Variants in GDAP1 observed in about 807,000 individuals in gnomAD.
GDAP1 encodes ganglioside induced differentiation associated protein 1, also known as ganglioside-induced differentiation-associated protein 1.
In GDAP1, 34 loss-of-function variants were observed where a neutral mutation model predicts 40.1. The ratio of observed to expected loss-of-function variants is 0.85; its 90% confidence interval spans 0.64 to 1.13. The LOEUF (loss-of-function observed/expected upper bound fraction) is 1.13, where lower values mean the gene tolerates loss of function less well. Ranked by LOEUF, GDAP1 falls within the 50% of genes most tolerant of loss-of-function variation. The probability of loss-of-function intolerance (pLI) is 0.00; values close to 1 mark genes in which losing one functional copy is unlikely to be tolerated. For missense variants in GDAP1, 374 were observed against 433.7 expected (o/e 0.86, Z 1.22); for synonymous variants, 170 against 157.4 (o/e 1.08, Z -0.60).
chr8:74,476,942 T>C (rs1258674791), intron 2 of GDAP1, among the ~76,000 whole-genome samples: 1 of 152,244 alleles, frequency 6.6e-6, no homozygotes, highest in African/African-American at 2.4e-5. Context: ...ATTTGGTCTC[T>C]TTACATAATC....
At chr8:74,438,152 C>T (rs2131569638) in intron 2 of GDAP1, among the ~76,000 whole-genome samples, 1 of 152,266 alleles carries the variant, frequency 6.6e-6, no homozygotes, top group South Asian at 2.1e-4. Context: ...CGCCTGTAGT[C>T]TCAGCTGCTC....
chr8:74,381,222 CTATTT>C (rs772038565), intron 2 of GDAP1, among the ~76,000 whole-genome samples: 383 of 152,088 alleles, frequency 2.5e-3, no homozygotes, highest in Non-Finnish European at 3.9e-3. Context: ...AGTTTTAAGA[CTATTT>C]TATTAAAGTA....
chr8:74,366,949 T>C (rs1161517071), downstream of GDAP1: 1 of 354,122 alleles, frequency 2.8e-6, no homozygotes, highest in Admixed American at 4.0e-5. Context: ...CATGTGGTAG[T>C]TAAAAGGGTA....
At chr8:74,477,169 G>A (rs1304132546) in intron 2 of GDAP1, among the ~76,000 whole-genome samples, 16 of 152,126 alleles carry the variant, frequency 1.1e-4, no homozygotes, top group Non-Finnish European at 2.4e-4. Context: ...TGGCTATTTT[G>A]TCTGTCAGCT....
At chr8:74,422,801 T>C (rs1023806339) in intron 2 of GDAP1, among the ~76,000 whole-genome samples, 4 of 151,746 alleles carry the variant, frequency 2.6e-5, no homozygotes, top group African/African-American at 9.7e-5. Flanking sequence ...AAAGTTTACT[T>C]TTTATTTCCC....
intron 2 of GDAP1, among the ~76,000 whole-genome samples, chr8:74,480,407 G>A (rs1337419865): frequency 6.6e-6 from 1 of 152,204 alleles, no homozygotes; most frequent in East Asian, 1.9e-4. Context: ...TTACTTCCAG[G>A]ATGACTATTC....
At chr8:74,378,160 A>G (rs887048306) in intron 2 of GDAP1, among the ~76,000 whole-genome samples, 19 of 152,350 alleles carry the variant, frequency 1.2e-4, no homozygotes, top group African/African-American at 4.6e-4. Flanking sequence ...ATTATGTGAA[A>G]GAAAAACTGT....
intron 2 of GDAP1, among the ~76,000 whole-genome samples, chr8:74,475,409 T>C (rs191600800): frequency 2.2e-4 from 34 of 152,302 alleles, no homozygotes; most frequent in African/African-American, 7.9e-4. Context: ...AACTTTTTGA[T>C]ATAGGCATTT....
chr8:74,483,592 G>T (rs79507284), intron 2 of GDAP1, among the ~76,000 whole-genome samples: 2 of 152,126 alleles, frequency 1.3e-5, no homozygotes, highest in Non-Finnish European at 2.9e-5. Flanking sequence ...TACATTTAAA[G>T]CAGTGTCTTT....
chr8:74,452,313 C>G (rs1250634323), intron 2 of GDAP1, among the ~76,000 whole-genome samples: 1 of 83,132 alleles, frequency 1.2e-5, no homozygotes, highest in Admixed American at 1.2e-4. Flanking sequence ...CAATATTTTG[C>G]GCTACATTTG....
chr8:74,443,542 T>TA (rs1806187711), intron 2 of GDAP1, among the ~76,000 whole-genome samples: 1 of 152,188 alleles, frequency 6.6e-6, no homozygotes, highest in Admixed American at 6.6e-5. Flanking sequence ...TACTGAGGAC[T>TA]ACTTCCTGCA....
intron 2 of GDAP1, among the ~76,000 whole-genome samples, chr8:74,374,285 G>A (rs904288387): frequency 6.6e-6 from 1 of 152,172 alleles, no homozygotes; most frequent in African/African-American, 2.4e-5. Flanking sequence ...ATGAGTTTGG[G>A]AGGATTCCCT....
chr8:74,422,795 T>G (rs779296193), intron 2 of GDAP1, among the ~76,000 whole-genome samples: 5 of 151,768 alleles, frequency 3.3e-5, no homozygotes, highest in Non-Finnish European at 4.4e-5. Flanking sequence ...TTTTTAAAAG[T>G]TTACTTTTTA....
At chr8:74,371,137 G>T (rs1809741572), downstream of GDAP1, among the ~76,000 whole-genome samples, 2 of 152,122 alleles carry the variant, frequency 1.3e-5, no homozygotes, top group African/African-American at 4.8e-5. Flanking sequence ...AAAAACTGTG[G>T]AATAAACATT....
At chr8:74,485,590 G>A (rs1056386360) in intron 2 of GDAP1, among the ~76,000 whole-genome samples, 3 of 152,096 alleles carry the variant, frequency 2.0e-5, no homozygotes, top group African/African-American at 7.2e-5. Flanking sequence ...AGCCCAAAGT[G>A]TTATGTTATT....
intron 2 of GDAP1, chr8:74,376,939 G>T (rs1225406255): frequency 2.0e-5 from 3 of 152,056 alleles, no homozygotes; most frequent in African/African-American, 7.3e-5. Flanking sequence ...AAGCATGGGG[G>T]TCGATTCTGT....
intron 2 of GDAP1, among the ~76,000 whole-genome samples, chr8:74,462,154 G>T (rs1806409782): frequency 6.6e-6 from 1 of 152,118 alleles, no homozygotes; most frequent in South Asian, 2.1e-4. Context: ...TAAGAATATG[G>T]CTAGGTGATT....
chr8:74,369,828 T>C (rs531271635), downstream of GDAP1, among the ~76,000 whole-genome samples: 13 of 151,896 alleles, frequency 8.6e-5, no homozygotes, highest in Middle Eastern at 3.4e-3. Context: ...AAAAAAGATA[T>C]ACACAAGAGA....
chr8:74,477,486 A>G (rs1806646393), intron 2 of GDAP1, among the ~76,000 whole-genome samples: 1 of 151,058 alleles, frequency 6.6e-6, no homozygotes, highest in Non-Finnish European at 1.5e-5. Context: ...ATTCTATTTG[A>G]TGACCTTGGG....
Sources: gnomAD v4.1 joint callset for allele counts (sites outside exome capture counted in the v4.1 genomes callset) on GRCh38, gnomAD v4.1.1 for gene constraint, MANE v1.5 for transcripts, NCBI Gene and HGNC (gene_info 2026-07-23, HGNC 2026-07-21) for gene names.